DAP: variants seen among roughly 807,000 people sequenced by gnomAD.
DAP encodes the protein death associated protein, also known as death-associated protein 1.
In DAP, 8 loss-of-function variants were observed where a neutral mutation model predicts 13.8. The observed-to-expected ratio is 0.58, with a 90% CI of 0.34 to 1.05. The LOEUF (loss-of-function observed/expected upper bound fraction) is 1.05, where lower values mean the gene tolerates loss of function less well. DAP is among the 50% of genes least tolerant of loss of function. The pLI is 0.03. For missense variants in DAP, 106 were observed against 133.2 expected, an observed-to-expected ratio of 0.80 and a Z score of 1.01; for synonymous variants, 47 against 47.5, an observed-to-expected ratio of 0.99 and a Z score of 0.04.
chr5:10,703,448 C>T (rs1579794621), intron 2 of DAP, among the ~76,000 whole-genome samples: 2 of 152,052 alleles, frequency 1.3e-5, no homozygotes, highest in South Asian at 2.1e-4. Flanking sequence ...GTCTTTGCTG[C>T]GCATCAGGTG....
chr5:10,691,453 C>T (rs1050589430), intron 2 of DAP, among the ~76,000 whole-genome samples: 4 of 152,160 alleles, frequency 2.6e-5, no homozygotes, highest in African/African-American at 7.2e-5. Context: ...ATCTCACAAG[C>T]GAGAAACCCC....
At chr5:10,692,644 T>C (rs1471331557) in intron 2 of DAP, among the ~76,000 whole-genome samples, 3 of 152,206 alleles carry the variant, frequency 2.0e-5, no homozygotes, top group African/African-American at 7.2e-5. Context: ...CCCAACTGCA[T>C]TCCAGTGCGG....
At chr5:10,754,912 G>A (rs117774537) in intron 1 of DAP, among the ~76,000 whole-genome samples, 4 of 152,208 alleles carry the variant, frequency 2.6e-5, no homozygotes, top group East Asian at 3.9e-4. Flanking sequence ...ATGTCATCAC[G>A]TCCCCCCACT....
At chr5:10,758,543 AG>A (rs1740256181) in intron 1 of DAP, among the ~76,000 whole-genome samples, 1 of 152,154 alleles carries the variant, frequency 6.6e-6, no homozygotes, top group South Asian at 2.1e-4. Flanking sequence ...GTAAGTCTAA[AG>A]GGGTTGCCCT....
intron 2 of DAP, among the ~76,000 whole-genome samples, chr5:10,729,102 G>T (rs1739371168): frequency 6.6e-6 from 1 of 152,016 alleles, no homozygotes; most frequent in Admixed American, 6.6e-5. Context: ...ATATTGCAGG[G>T]TATCAACAAC....
At chr5:10,757,522 C>A (rs972209587) in intron 1 of DAP, among the ~76,000 whole-genome samples, 7 of 152,204 alleles carry the variant, frequency 4.6e-5, no homozygotes, top group African/African-American at 1.7e-4. Flanking sequence ...GCTCTCCCCA[C>A]CTGGGTCTCC....
chr5:10,706,794 C>T (rs1207222064), intron 2 of DAP, among the ~76,000 whole-genome samples: 2 of 152,180 alleles, frequency 1.3e-5, no homozygotes, highest in Non-Finnish European at 2.9e-5. Context: ...CAGATGTGTG[C>T]ACCTGATCCT....
At chr5:10,735,016 G>T (rs928007833) in intron 2 of DAP, among the ~76,000 whole-genome samples, 3 of 152,172 alleles carry the variant, frequency 2.0e-5, no homozygotes, top group African/African-American at 7.2e-5. Context: ...TCTGCTTTCA[G>T]TGTCTTGCAA....
rs144911946 is a variant in DAP, at chr5:10,700,980, C to T, written c.153-17409G>A. Among the ~76,000 whole-genome samples, 29 of 152,334 alleles carry T rather than the reference C, an allele frequency of 1.9e-4. No homozygotes were observed. In the East Asian group the frequency reaches 2.3e-3, roughly 12 times the overall value. On this transcript the variant is annotated intron_variant, in intron 2 of 3. Coordinates refer to ENST00000230895, the MANE Select transcript of DAP (RefSeq NM_004394.3). Reference sequence around the variant, plus strand: ...CCATGGGGCCCCTGCTCTGAATAGACGGGTGTGAAATGCCTGTGTCTGTGC... The same window carrying T: ...CCATGGGGCCCCTGCTCTGAATAGATGGGTGTGAAATGCCTGTGTCTGTGC...
chr5:10,751,700 G>C (rs1740051484), intron 1 of DAP, among the ~76,000 whole-genome samples: 1 of 152,178 alleles, frequency 6.6e-6, no homozygotes, highest in Admixed American at 6.5e-5. Context: ...TTGAGGTAGG[G>C]CTCTAATATA....
At chr5:10,695,117 A>C (rs146296100) in intron 2 of DAP, among the ~76,000 whole-genome samples, 1,525 of 152,320 alleles carry the variant, frequency 0.01, 24 homozygotes, top group African/African-American at 0.034. Context: ...GAGCAGAGGG[A>C]AACGTCTCAC....
intron 2 of DAP, among the ~76,000 whole-genome samples, chr5:10,714,113 G>GT (rs1272443854): frequency 2.0e-5 from 3 of 152,148 alleles, no homozygotes; most frequent in Admixed American, 6.5e-5. Context: ...ATGTTTTGAC[G>GT]TAACACAGAT....
chr5:10,698,992 T>C (rs1342155216), intron 2 of DAP, among the ~76,000 whole-genome samples: 1 of 152,246 alleles, frequency 6.6e-6, no homozygotes, highest in Non-Finnish European at 1.5e-5. Context: ...TACTGGTTGG[T>C]TGGTTCAGGT....
chr5:10,744,911 C>T (rs368388923), intron 2 of DAP, among the ~76,000 whole-genome samples: 16 of 152,132 alleles, frequency 1.1e-4, no homozygotes, highest in African/African-American at 1.4e-4. Flanking sequence ...CGTGTGCCCT[C>T]GGAAAAGTCA....
chr5:10,683,362 A>G (rs1738071965), intron 3 of DAP, 167 bp downstream of exon 3: 5 of 773,998 alleles, frequency 6.5e-6, no homozygotes, highest in Non-Finnish European at 1.1e-5. Flanking sequence ...CGGTCTGCAG[A>G]AGCAGCCTCT....
intron 2 of DAP, among the ~76,000 whole-genome samples, chr5:10,694,843 A>G (rs974048177): frequency 2.0e-5 from 3 of 152,156 alleles, no homozygotes; most frequent in African/African-American, 7.2e-5. Context: ...TCTCCTCAGG[A>G]AAGCACAGAG....
intron 2 of DAP, among the ~76,000 whole-genome samples, chr5:10,715,224 A>G (rs187822566): frequency 1.4e-4 from 21 of 152,302 alleles, no homozygotes; most frequent in Non-Finnish European, 2.2e-4. Context: ...TTAAAGACAC[A>G]GTAGCCTGAT....
At chr5:10,748,836 T>C (rs757343208) in intron 1 of DAP, among the ~76,000 whole-genome samples, 11 of 152,248 alleles carry the variant, frequency 7.2e-5, no homozygotes, top group African/African-American at 2.7e-4. Context: ...TTTATAGATA[T>C]GTAATTCATG....
intron 2 of DAP, among the ~76,000 whole-genome samples, chr5:10,721,626 A>G (rs2126659022): frequency 6.6e-6 from 1 of 152,302 alleles, no homozygotes; most frequent in South Asian, 2.1e-4. Context: ...ACAACAGCCC[A>G]ACCCAGGCAG....
Sources: gnomAD v4.1 joint callset for allele counts (sites outside exome capture counted in the v4.1 genomes callset) on GRCh38, gnomAD v4.1.1 for gene constraint, MANE v1.5 for transcripts, NCBI Gene and HGNC (gene_info 2026-07-23, HGNC 2026-07-21) for gene names.